Variants in COL4A4 observed in about 807,000 individuals in gnomAD.
COL4A4 encodes collagen type IV alpha 4 chain.
Under a neutral mutation model 192.9 loss-of-function variants are expected in COL4A4, and 105 were observed. The observed-to-expected ratio is 0.54, with a 90% CI of 0.46 to 0.64. COL4A4 has a LOEUF of 0.64. Ranked by LOEUF, COL4A4 falls within the 30% of genes least tolerant of loss-of-function variation. The probability of loss-of-function intolerance (pLI) is 0.00; values close to 1 mark genes in which losing one functional copy is unlikely to be tolerated. For synonymous variants in COL4A4, 762 were observed against 769.9 expected (o/e 0.99, Z 0.17); for missense variants, 1,967 against 2,169.3 (o/e 0.91, Z 1.85).
chr2:227,125,671 A>G (rs2062042987), intron 4 of COL4A4, among the ~76,000 whole-genome samples: 1 of 152,142 alleles, frequency 6.6e-6, no homozygotes, highest in South Asian at 2.1e-4. Flanking sequence ...GTTCTTTCAC[A>G]GCATTTGCGC....
chr2:227,130,342 C>G (rs1352894889), intron 4 of COL4A4, among the ~76,000 whole-genome samples: 1 of 152,232 alleles, frequency 6.6e-6, no homozygotes, highest in Admixed American at 6.5e-5. Context: ...TCACCCCTTA[C>G]TCCAGGCCAT....
Position 227,094,244 on chromosome 2 carries a change from C to T in COL4A4, c.1250G>A (p.Gly417Glu). Reference sequence around the variant, plus strand: ...AGGAATACCAGCTTCTCCTGGAAGCCCAGGAAGACCAGGAAATCCTTGTGG... The same window carrying T: ...AGGAATACCAGCTTCTCCTGGAAGCTCAGGAAGACCAGGAAATCCTTGTGG... ...PGPQGFPGLP[G>E]LPGEAGIPGR... is the part of the protein sequence containing the mutation. The change falls in exon 20 of 48, where the codon GGG (glycine) becomes GAG (glutamate). Residue 417 changes from glycine (G) to glutamate (E), a missense_variant. Coordinates refer to ENST00000396625, the MANE Select transcript of COL4A4 (RefSeq NM_000092.5). The T allele has an allele frequency of 3.7e-6, 6 of 1,613,796 alleles. No individual in the cohort carries two copies. Among genetic ancestry groups the T allele is most frequent in the Non-Finnish European group, 5.1e-6 (6 of 1,179,934 alleles).
chr2:227,040,569 T>A (rs947980502), intron 37 of COL4A4, among the ~76,000 whole-genome samples: 1 of 40,090 alleles, frequency 2.5e-5, no homozygotes. Flanking sequence ...ATACTTTTTC[T>A]TTTTTTTTTT....
At chr2:227,028,496 T>G (rs1559446218) in intron 41 of COL4A4, among the ~76,000 whole-genome samples, 1 of 152,118 alleles carries the variant, frequency 6.6e-6, no homozygotes, top group Non-Finnish European at 1.5e-5. Flanking sequence ...AGTTTCATTT[T>G]CTCAGGGAAG....
At chr2:227,071,332 G>A (rs1037975488) in intron 25 of COL4A4, among the ~76,000 whole-genome samples, 3 of 151,930 alleles carry the variant, frequency 2.0e-5, no homozygotes, top group Admixed American at 6.6e-5. Context: ...ATGATAAAAC[G>A]ATCAACAAGA....
chr2:227,070,327 T>C (rs928544005), intron 25 of COL4A4, among the ~76,000 whole-genome samples: 1 of 152,106 alleles, frequency 6.6e-6, no homozygotes, highest in African/African-American at 2.4e-5. Context: ...CTCAGGGATC[T>C]AGAACTAGAA....
intron 37 of COL4A4, among the ~76,000 whole-genome samples, chr2:227,041,816 GAA>G (rs1287572505): frequency 1.3e-3 from 46 of 35,866 alleles, no homozygotes; most frequent in East Asian, 4.5e-3. Context: ...AAGAAAGAAA[GAA>G]AGAAAGAAAG....
chr2:227,094,224 T>C lies in COL4A4; in HGVS notation c.1270A>G (p.Ile424Val), dbSNP rs754175145. ...GLPGLPGEAG[I>V]PGRPDSAPGK... is the part of the protein sequence containing the mutation. ...GGAGCAGAATCAGGTCTCCCAGGAA[T>C]ACCAGCTTCTCCTGGAAGCCCAGGA... The change falls in exon 20 of 48, where the codon ATT becomes GTT. Residue 424 changes from isoleucine to valine, a missense_variant. By Grantham distance (29) the Ile-to-Val change is conservative. Transcript: ENST00000396625. 8 of 1,613,672 alleles carry C rather than the reference T, an allele frequency of 5.0e-6. No homozygotes were observed. In the African/African-American group the frequency reaches 1.1e-4, roughly 22 times the overall value.
the COL4A4 span, among the ~76,000 whole-genome samples, chr2:226,989,473 A>T: frequency 6.6e-6 from 1 of 152,194 alleles, no homozygotes; most frequent in Non-Finnish European, 1.5e-5. Context: ...CTTGATCTGG[A>T]TATTGGTCTC....
intron 4 of COL4A4, among the ~76,000 whole-genome samples, chr2:227,138,623 ACT>A (rs1361066761): frequency 7.0e-6 from 1 of 143,090 alleles, no homozygotes; most frequent in African/African-American, 2.7e-5. Flanking sequence ...ACAGAGCGAG[ACT>A]CTGTCTCAAA....
chr2:227,118,275 C>T (rs2061593585), intron 7 of COL4A4, among the ~76,000 whole-genome samples: 1 of 152,164 alleles, frequency 6.6e-6, no homozygotes, highest in South Asian at 2.1e-4. Flanking sequence ...GCAATTAACC[C>T]TGAATGATAA....
intron 12 of COL4A4, among the ~76,000 whole-genome samples, chr2:227,106,791 C>A (rs1389997556): frequency 6.6e-6 from 1 of 152,196 alleles, no homozygotes; most frequent in South Asian, 2.1e-4. Context: ...GTCTCGAACT[C>A]CTGACCTGAG....
At chr2:226,984,318 C>T in the COL4A4 span, among the ~76,000 whole-genome samples, 1 of 152,204 alleles carries the variant, frequency 6.6e-6, no homozygotes, top group African/African-American at 2.4e-5. Flanking sequence ...GCTAGAAGTT[C>T]CAGGTACTAA....
At chr2:227,020,098 C>G (rs1965712113) in intron 44 of COL4A4, among the ~76,000 whole-genome samples, 1 of 152,214 alleles carries the variant, frequency 6.6e-6, no homozygotes. Flanking sequence ...ATCTTACTCA[C>G]CCATACCACC....
intron 4 of COL4A4, among the ~76,000 whole-genome samples, chr2:227,130,082 T>A (rs1433505543): frequency 6.6e-6 from 1 of 151,800 alleles, no homozygotes; most frequent in African/African-American, 2.4e-5. Flanking sequence ...CCAGGAAGAG[T>A]TATCAAAATA....
chr2:227,093,386 G>A (rs34088425), intron 20 of COL4A4, among the ~76,000 whole-genome samples: 21,440 of 151,982 alleles, frequency 0.14, 1,887 homozygotes, highest in African/African-American at 0.25. Context: ...TTATTCCAGA[G>A]GTCACAAGAT....
intron 22 of COL4A4, among the ~76,000 whole-genome samples, chr2:227,088,340 G>T (rs2059713685): frequency 6.6e-6 from 1 of 152,102 alleles, no homozygotes; most frequent in African/African-American, 2.4e-5. Context: ...GAAGGTGACT[G>T]GATCATGGGG....
At chr2:226,974,036 A>G in the COL4A4 span, among the ~76,000 whole-genome samples, 1 of 151,864 alleles carries the variant, frequency 6.6e-6, no homozygotes, top group Non-Finnish European at 1.5e-5. Context: ...TTGCCTCCTT[A>G]CCCAGTTTGT....
In COL4A4 at chr2:227,043,146, T is replaced by C. The variant is rs371595632; in HGVS notation, c.3328A>G (p.Ile1110Val). The change falls in exon 36 of 48, where the codon ATT (isoleucine) becomes GTT (valine). Residue 1110 changes from isoleucine (I) to valine (V), a missense_variant. By Grantham distance (29) the Ile-to-Val change is conservative. Coordinates refer to ENST00000396625, the MANE Select transcript of COL4A4 (RefSeq NM_000092.5). ...GASGEQGLPG[I>V]QGPRGSPGRP... ...CCAGGTGATCCTCTGGGCCCTTGAA[T>C]ACCAGGCAAGCCCTGCTCTCCGGAT... The C allele has an allele frequency of 4.3e-6, 7 of 1,613,998 alleles. No individual in the cohort carries two copies. Among genetic ancestry groups the C allele is most frequent in the African/African-American group, 2.7e-5 (2 of 74,932 alleles).
Sources: gnomAD v4.1 joint callset for allele counts (sites outside exome capture counted in the v4.1 genomes callset) on GRCh38, gnomAD v4.1.1 for gene constraint, MANE v1.5 for transcripts, NCBI Gene and HGNC (gene_info 2026-07-23, HGNC 2026-07-21) for gene names.